GPM6A: variants seen among roughly 807,000 people sequenced by gnomAD.
The protein encoded by GPM6A is glycoprotein M6A.
Under a neutral mutation model 32.1 loss-of-function variants are expected in GPM6A, and 7 were observed. The observed-to-expected ratio is 0.22, with a 90% confidence interval of 0.12 to 0.41. GPM6A has a LOEUF of 0.41. GPM6A is among the 10% of genes least tolerant of loss of function. The pLI, the probability that GPM6A is intolerant of heterozygous loss-of-function variation, is 1.00. For missense variants in GPM6A, 235 were observed against 347.2 expected (o/e 0.68, Z 2.57); for synonymous variants, 130 against 123.4 (o/e 1.05, Z -0.35).
intron 1 of GPM6A, among the ~76,000 whole-genome samples, chr4:175,795,627 CT>C (rs1006236752): frequency 1.3e-5 from 2 of 151,954 alleles, no homozygotes; most frequent in African/African-American, 4.8e-5. Flanking sequence ...TGGGACACAC[CT>C]GTGGTCCCAG....
At position 176,002,212 on chromosome 4, in the gene GPM6A, G is replaced by A. The variant is rs751746621; in HGVS notation, c.-23+97C>T. On this transcript the variant is annotated intron_variant, in intron 1 of 7. Coordinates refer to the GPM6A transcript ENST00000280187. ...CGGGGGGAACAGAGCTGGGAAGGAC[G>A]CAGTCTGAGGCCGAGGAACATTCAT... 17 of 1,275,972 alleles carry A rather than the reference G, an allele frequency of 1.3e-5. No homozygotes were observed. The East Asian group carries it at 2.5e-4, about 19-fold the overall frequency. The allele number at this position is 1,275,972 out of a possible 1,614,324, so 79.0% of individuals were successfully genotyped here. A position where few individuals can be genotyped will look rare whatever the true frequency, so the allele number is the denominator to read the frequency against.
intron 1 of GPM6A, among the ~76,000 whole-genome samples, chr4:175,964,277 A>G (rs1579669503): frequency 7.2e-6 from 1 of 138,904 alleles, no homozygotes; most frequent in Non-Finnish European, 1.6e-5. Flanking sequence ...ACCAAACTCT[A>G]TGTTGTCCAA....
chr4:175,874,270 G>C (rs979928734), intron 1 of GPM6A, among the ~76,000 whole-genome samples: 3 of 152,154 alleles, frequency 2.0e-5, no homozygotes, highest in African/African-American at 4.8e-5. Flanking sequence ...TAATTTGTTA[G>C]AGAAAGAAAA....
Position 175,824,782 on chromosome 4 carries a change from T to TGAGA in GPM6A, c.-22-12537_-22-12534dup, listed in dbSNP as rs530265656. The stretch of plus-strand genomic sequence containing the variant: ...ATTTTTTTCTTATTATTTACAACCC[T>TGAGA]GAGAGTAAGTGGTATTTCTATTTTA... On this transcript the variant is annotated intron_variant, in intron 1 of 7. Coordinates refer to the GPM6A transcript ENST00000280187. Among the ~76,000 whole-genome samples, 690 of 152,302 alleles carry TGAGA rather than the reference T, an allele frequency of 4.5e-3. 1 individual carries two copies. The highest frequency in any genetic ancestry group is 7.7e-3 in the Non-Finnish European group (521 of 68,024).
chr4:175,671,348 A>G (rs1743050665), intron 3 of GPM6A, among the ~76,000 whole-genome samples: 1 of 151,770 alleles, frequency 6.6e-6, no homozygotes, highest in African/African-American at 2.4e-5. Flanking sequence ...TGTTCCAACT[A>G]GAGCTGCACC....
At chr4:175,692,863 A>T (rs1744373436) in intron 2 of GPM6A, among the ~76,000 whole-genome samples, 1 of 152,114 alleles carries the variant, frequency 6.6e-6, no homozygotes, top group African/African-American at 2.4e-5. Context: ...ACATAGTTTC[A>T]TGTGTATTTA....
At chr4:175,982,931 G>A (rs73873534) in intron 1 of GPM6A, among the ~76,000 whole-genome samples, 7,809 of 151,782 alleles carry the variant, frequency 0.051, 664 homozygotes, top group African/African-American at 0.17. Context: ...CTGCATAAAC[G>A]GCATGTACAT....
Position 175,908,593 on chromosome 4 carries a change from G to A in GPM6A, c.-23+93716C>T, listed in dbSNP as rs571033582. Among the ~76,000 whole-genome samples, 140 of 152,186 alleles carry A rather than the reference G, an allele frequency of 9.2e-4. 1 individual carries two copies. The highest frequency in any genetic ancestry group is 1.4e-3 in the Admixed American group (22 of 15,282). On this transcript the variant is annotated intron_variant, in intron 1 of 7. Transcript: ENST00000280187. Reference sequence around the variant, plus strand: ...AGGGATAAACTTTGAGGAAGAAGAAGTTTGTATCATCAAAGGGGCCTTTAT... The same window carrying A: ...AGGGATAAACTTTGAGGAAGAAGAAATTTGTATCATCAAAGGGGCCTTTAT...
intron 1 of GPM6A, among the ~76,000 whole-genome samples, chr4:175,948,535 G>A (rs78691941): frequency 0.012 from 1,800 of 152,250 alleles, 71 homozygotes; most frequent in East Asian, 0.093. Flanking sequence ...AAACTAAGAT[G>A]CCACATCTGA....
At chr4:175,994,526 A>T (rs1004896013) in intron 1 of GPM6A, among the ~76,000 whole-genome samples, 2 of 151,952 alleles carry the variant, frequency 1.3e-5, no homozygotes, top group Non-Finnish European at 2.9e-5. Flanking sequence ...CATTATGTCT[A>T]AAAAAAACCC....
At chr4:175,710,825 G>A (rs1745486737) in intron 1 of GPM6A, among the ~76,000 whole-genome samples, 1 of 151,984 alleles carries the variant, frequency 6.6e-6, no homozygotes, top group South Asian at 2.1e-4. Flanking sequence ...TTGTTTTCCT[G>A]TCTCAGCCTT....
At chr4:175,856,780 A>G (rs1736431283) in intron 1 of GPM6A, among the ~76,000 whole-genome samples, 1 of 152,042 alleles carries the variant, frequency 6.6e-6, no homozygotes, top group African/African-American at 2.4e-5. Flanking sequence ...CAACATTCAG[A>G]TGCTTCTTCT....
At chr4:175,795,256 T>C (rs534016233) in intron 1 of GPM6A, among the ~76,000 whole-genome samples, 124 of 152,240 alleles carry the variant, frequency 8.1e-4, no homozygotes, top group African/African-American at 2.7e-3. Context: ...ATAAATTCCA[T>C]TTTGGACATA....
intron 1 of GPM6A, among the ~76,000 whole-genome samples, chr4:175,833,678 GC>G (rs1483845751): frequency 6.6e-6 from 1 of 152,032 alleles, no homozygotes; most frequent in Non-Finnish European, 1.5e-5. Flanking sequence ...TAAACAGTAT[GC>G]CCTGACAGTA....
chr4:175,650,061 C>T (rs962645958), intron 4 of GPM6A, among the ~76,000 whole-genome samples: 4 of 152,016 alleles, frequency 2.6e-5, no homozygotes, highest in Admixed American at 1.3e-4. Context: ...GCTCCTTTTC[C>T]GATATTTACA....
intron 1 of GPM6A, among the ~76,000 whole-genome samples, chr4:175,734,986 T>C (rs1731600558): frequency 1.3e-5 from 2 of 152,242 alleles, no homozygotes; most frequent in South Asian, 4.1e-4. Flanking sequence ...CAATGAACAA[T>C]TATTGAATGC....
intron 1 of GPM6A, among the ~76,000 whole-genome samples, chr4:175,739,107 G>A (rs1731780444): frequency 1.3e-5 from 2 of 152,110 alleles, no homozygotes; most frequent in Admixed American, 1.3e-4. Flanking sequence ...TGCCTGACAA[G>A]GTGTTGAATA....
At chr4:175,683,639 G>A (rs1743807423) in intron 2 of GPM6A, among the ~76,000 whole-genome samples, 2 of 152,016 alleles carry the variant, frequency 1.3e-5, no homozygotes, top group African/African-American at 4.8e-5. Context: ...TCTTAAAAGT[G>A]TGTAAGTGTG....
At chr4:175,725,957 T>C (rs1344605094) in intron 1 of GPM6A, among the ~76,000 whole-genome samples, 2 of 151,612 alleles carry the variant, frequency 1.3e-5, no homozygotes, top group African/African-American at 4.8e-5. Context: ...TTTATTTTCA[T>C]GTATCATACA....
Sources: gnomAD v4.1 joint callset for allele counts (sites outside exome capture counted in the v4.1 genomes callset) on GRCh38, gnomAD v4.1.1 for gene constraint, MANE v1.5 for transcripts, NCBI Gene and HGNC (gene_info 2026-07-23, HGNC 2026-07-21) for gene names.